SMOC1: variants seen among roughly 807,000 people sequenced by gnomAD.
SMOC1 encodes the protein SPARC-related modular calcium-binding protein 1.
Under a neutral mutation model 56.3 loss-of-function variants are expected in SMOC1, and 22 were observed. The observed-to-expected ratio is 0.39, with a 90% CI of 0.28 to 0.56. The LOEUF (loss-of-function observed/expected upper bound fraction) is 0.56. Among genes scored for constraint, SMOC1 ranks in the 20% least tolerant of loss-of-function variants. The probability of loss-of-function intolerance (pLI) is 0.61; values close to 1 mark genes in which losing one functional copy is unlikely to be tolerated. For missense variants in SMOC1, 509 were observed against 565.4 expected, an observed-to-expected ratio of 0.90 and a Z score of 1.01; for synonymous variants, 193 against 215.0, an observed-to-expected ratio of 0.90 and a Z score of 0.89.
chr14:69,881,644 T>C (rs779745445), intron 1 of SMOC1, among the ~76,000 whole-genome samples: 1 of 152,136 alleles, frequency 6.6e-6, no homozygotes, highest in Non-Finnish European at 1.5e-5. Context: ...TTTTTCCCTC[T>C]TTCTCTCTCT....
At chr14:69,974,908 T>A (rs531006023) in intron 3 of SMOC1, among the ~76,000 whole-genome samples, 6 of 152,200 alleles carry the variant, frequency 3.9e-5, no homozygotes, top group South Asian at 2.1e-4. Context: ...ACAAGATCAA[T>A]AGGCAAGCTG....
At chr14:70,017,120 C>T (rs368333256) in intron 10 of SMOC1, among the ~76,000 whole-genome samples, 2 of 152,216 alleles carry the variant, frequency 1.3e-5, no homozygotes, top group African/African-American at 4.8e-5. Flanking sequence ...GCTAGAGGGA[C>T]GGGGGATAGA....
At chr14:69,995,349 A>G (rs893457464) in intron 7 of SMOC1, among the ~76,000 whole-genome samples, 1 of 152,238 alleles carries the variant, frequency 6.6e-6, no homozygotes, top group Non-Finnish European at 1.5e-5. Context: ...ATGTGGCATT[A>G]GAATGCAAGG....
At chr14:69,972,891 C>T (rs1396370375) in intron 3 of SMOC1, among the ~76,000 whole-genome samples, 5 of 152,210 alleles carry the variant, frequency 3.3e-5, no homozygotes, top group Admixed American at 2.0e-4. Context: ...CAGTGCCTGG[C>T]TCCCGCAGCA....
chr14:69,922,932 C>CTTTTTTTTTTTTTTTT (rs536127994), intron 1 of SMOC1, among the ~76,000 whole-genome samples: 3 of 147,774 alleles, frequency 2.0e-5, no homozygotes, highest in Non-Finnish European at 3.0e-5. Flanking sequence ...TCTCAGCCCT[C>CTTTTTTTTTTTTTTTT]TTTTTTTTGT....
At chr14:69,882,589 T>C (rs767078335) in intron 1 of SMOC1, among the ~76,000 whole-genome samples, 1 of 152,216 alleles carries the variant, frequency 6.6e-6, no homozygotes, top group Non-Finnish European at 1.5e-5. Flanking sequence ...AGGATTCTTT[T>C]AATCACTGAG....
At chr14:70,029,866 C>A (rs1000796636) in intron 11 of SMOC1, among the ~76,000 whole-genome samples, 1 of 152,180 alleles carries the variant, frequency 6.6e-6, no homozygotes. Flanking sequence ...CACCTGTAAA[C>A]AAACCCCTGT....
At chr14:69,988,579 G>A (rs758187970) in intron 5 of SMOC1, among the ~76,000 whole-genome samples, 25 of 152,244 alleles carry the variant, frequency 1.6e-4, no homozygotes, top group Non-Finnish European at 2.8e-4. Flanking sequence ...TTTACATACC[G>A]TAAAATTCAC....
At chr14:69,981,140 G>A (rs1039456129) in intron 5 of SMOC1, among the ~76,000 whole-genome samples, 1 of 152,034 alleles carries the variant, frequency 6.6e-6, no homozygotes, top group Non-Finnish European at 1.5e-5. Context: ...GAGGCTGGGT[G>A]GTCACAGCCG....
intron 5 of SMOC1, among the ~76,000 whole-genome samples, chr14:69,981,475 C>T (rs777769095): frequency 3.3e-5 from 5 of 152,088 alleles, no homozygotes; most frequent in Non-Finnish European, 7.4e-5. Flanking sequence ...CCTGGCTGCC[C>T]CCTCCCCTTC....
chr14:69,904,586 C>A (rs1884356890), intron 1 of SMOC1, among the ~76,000 whole-genome samples: 1 of 152,194 alleles, frequency 6.6e-6, no homozygotes, highest in Non-Finnish European at 1.5e-5. Context: ...TCTGGGGTTA[C>A]TGATCTGTCC....
intron 1 of SMOC1, among the ~76,000 whole-genome samples, chr14:69,935,627 C>T (rs1885275955): frequency 1.3e-5 from 2 of 152,182 alleles, no homozygotes; most frequent in African/African-American, 4.8e-5. Flanking sequence ...TGTGTTGTGA[C>T]CCAGACCAAG....
chr14:69,966,804 T>C (rs1251620866), intron 3 of SMOC1, among the ~76,000 whole-genome samples: 1 of 152,232 alleles, frequency 6.6e-6, no homozygotes, highest in Non-Finnish European at 1.5e-5. Context: ...ATGGGAATTA[T>C]AGAATCCACA....
At position 70,010,926 on chromosome 14, in the gene SMOC1, G is replaced by T. The variant is rs536483256; in HGVS notation, c.837G>T (p.Pro279=). ...GTGTGCTGGTGGACACAGGGCGCCC[G>T]CTGCCTGGGACCTCCACACGGTAAG... ...CWCVLVDTGR[P]LPGTSTRYVM... is the part of the protein sequence containing the mutation. Residue 279 remains proline (P), a synonymous_variant, in exon 8 of 12, where the codon CCG becomes CCT. Transcript: ENST00000361956. 1 of 1,612,742 alleles carries T rather than the reference G, an allele frequency of 6.2e-7. No individual in the cohort carries two copies. The highest frequency in any genetic ancestry group is 8.5e-7 in the Non-Finnish European group (1 of 1,180,010).
chr14:69,902,248 A>G (rs1566666489), intron 1 of SMOC1, among the ~76,000 whole-genome samples: 1 of 152,236 alleles, frequency 6.6e-6, no homozygotes, highest in Non-Finnish European at 1.5e-5. Context: ...AATCCAACAC[A>G]GAGCAAAAGA....
intron 1 of SMOC1, among the ~76,000 whole-genome samples, chr14:69,916,809 A>G (rs1436919394): frequency 6.6e-6 from 1 of 151,886 alleles, no homozygotes; most frequent in East Asian, 1.9e-4. Context: ...GTCTTGCCTT[A>G]TTTTTCTCAG....
chr14:69,952,816 A>G (rs1883052827), intron 2 of SMOC1, among the ~76,000 whole-genome samples: 1 of 152,262 alleles, frequency 6.6e-6, no homozygotes, highest in Non-Finnish European at 1.5e-5. Flanking sequence ...CTAGACCTGC[A>G]TAACAGCTAC....
At chr14:69,951,897 T>A (rs145623993) in intron 1 of SMOC1, among the ~76,000 whole-genome samples, 4 of 152,332 alleles carry the variant, frequency 2.6e-5, no homozygotes, top group Non-Finnish European at 4.4e-5. Context: ...TGGATGTGAA[T>A]TACTTGGCAC....
At chr14:69,912,260 T>C (rs1884573541) in intron 1 of SMOC1, among the ~76,000 whole-genome samples, 1 of 152,166 alleles carries the variant, frequency 6.6e-6, no homozygotes, top group South Asian at 2.1e-4. Flanking sequence ...CCTTTTCCTT[T>C]AAATTTTAGG....
Sources: allele counts gnomAD v4.1 joint callset (sites outside exome capture counted in the v4.1 genomes callset), GRCh38; gene constraint gnomAD v4.1.1; transcripts MANE v1.5; gene names NCBI Gene and HGNC (gene_info 2026-07-23, HGNC 2026-07-21).